Variants in CDS1 observed in about 807,000 individuals in gnomAD.
The protein encoded by CDS1 is CDP-diacylglycerol synthase 1.
In CDS1, 41 loss-of-function variants were observed where a neutral mutation model predicts 62.1. The ratio of observed to expected loss-of-function variants is 0.66; its 90% CI spans 0.51 to 0.86. The LOEUF is 0.86. Among genes scored for constraint, CDS1 ranks in the 40% least tolerant of loss-of-function variants. The probability of loss-of-function intolerance (pLI) is 0.00; values close to 1 mark genes in which losing one functional copy is unlikely to be tolerated. For missense variants in CDS1, 470 were observed against 550.1 expected, an observed-to-expected ratio of 0.85 and a Z score of 1.46; for synonymous variants, 185 against 192.6, an observed-to-expected ratio of 0.96 and a Z score of 0.32.
intron 8 of CDS1, 50 bp downstream of exon 8, chr4:84,635,401 C>T (rs776401991): frequency 2.3e-6 from 2 of 876,102 alleles, no homozygotes; most frequent in East Asian, 2.4e-5. Context: ...TAAAGATTAG[C>T]CACTGGAGAA....
Position 84,650,733 on chromosome 4 carries a change from T to C in CDS1, c.*2047T>C, listed in dbSNP as rs142779122. The C allele has an allele frequency of 4.6e-5, 7 of 152,360 alleles. No individual in the cohort carries two copies. The highest frequency in any genetic ancestry group is 2.1e-4 in the South Asian group (1 of 4,830). The allele number at this position is 152,360 out of a possible 1,614,324, so 9.4% of individuals were successfully genotyped here. A position where few individuals can be genotyped will look rare whatever the true frequency, so the allele number is the denominator to read the frequency against. On this transcript the variant is annotated 3_prime_UTR_variant, in exon 13 of 13. Coordinates refer to ENST00000295887, the MANE Select transcript of CDS1 (RefSeq NM_001263.4). ...TCACAGTAATAGCTTTTCTCAAATA[T>C]ACTTTTAGAATTGAATGTACATTAT...
chr4:84,626,781 G>T (rs1192869164), intron 5 of CDS1, among the ~76,000 whole-genome samples: 1 of 152,190 alleles, frequency 6.6e-6, no homozygotes. Context: ...AGAGCGCAGT[G>T]CAGGCCTGGC....
chr4:84,617,671 C>G lies in CDS1; in HGVS notation c.440+10C>G. On this transcript the variant is annotated intron_variant, in intron 4 of 12. Transcript: ENST00000295887. ...TTAGAACACTAAGTTGGTAAGTAAG[C>G]TTGAAACTATTTCAGATATGAAAAG... 7.8e-7 allele frequency: 1 copy of G among 1,284,502 alleles called. No homozygotes were observed. The highest frequency in any genetic ancestry group is 1.1e-6 in the Non-Finnish European group (1 of 900,626). 79.6% of individuals were successfully genotyped at this position (1,284,502 alleles called of 1,614,324 possible).
rs1239249968 is a variant in CDS1 at position 84,583,330 on chromosome 4, C to T, written c.-72C>T. 2 of 1,167,674 alleles carry T rather than the reference C, an allele frequency of 1.7e-6. No homozygotes were observed. Among genetic ancestry groups the T allele is most frequent in the East Asian group, 2.7e-5 (1 of 37,462 alleles). 72.3% of individuals were successfully genotyped at this position (1,167,674 alleles called of 1,614,324 possible). A position where few individuals can be genotyped will look rare whatever the true frequency, so the allele number is the denominator to read the frequency against. On this transcript the variant is annotated 5_prime_UTR_variant, in exon 1 of 13. Coordinates refer to ENST00000295887, the MANE Select transcript of CDS1 (RefSeq NM_001263.4). ...GCTGCGAGGTGGCGGGGCGCCCCGCCTGCAGAACCCTGCTTGCAGCTCAGG... is the reference window on the plus strand; with the variant it reads ...GCTGCGAGGTGGCGGGGCGCCCCGCTTGCAGAACCCTGCTTGCAGCTCAGG...
chr4:84,624,524 C>T (rs1210970827), intron 5 of CDS1, among the ~76,000 whole-genome samples: 3 of 151,912 alleles, frequency 2.0e-5, no homozygotes, highest in Non-Finnish European at 2.9e-5. Flanking sequence ...ACCATTTTTC[C>T]ACTTCATATA....
chr4:84,600,264 G>A (rs1722896427), intron 1 of CDS1, among the ~76,000 whole-genome samples: 1 of 152,098 alleles, frequency 6.6e-6, no homozygotes, highest in Admixed American at 6.5e-5. Context: ...CAGATTACAA[G>A]TCCTTTGTTA....
chr4:84,592,969 G>A (rs777096547), intron 1 of CDS1, among the ~76,000 whole-genome samples: 1 of 152,032 alleles, frequency 6.6e-6, no homozygotes, highest in African/African-American at 2.4e-5. Context: ...GCTGTCTGTG[G>A]GTCAATGAAT....
chr4:84,608,362 G>T (rs1383173272), intron 2 of CDS1, among the ~76,000 whole-genome samples: 1 of 152,142 alleles, frequency 6.6e-6, no homozygotes, highest in African/African-American at 2.4e-5. Context: ...TTTTAGTAGA[G>T]ACGGGGTTTC....
chr4:84,583,882 C>G (rs541980443), intron 1 of CDS1, among the ~76,000 whole-genome samples: 3 of 152,180 alleles, frequency 2.0e-5, no homozygotes, highest in Non-Finnish European at 4.4e-5. Context: ...TGCCACCTCA[C>G]CTCTCTTTTC....
intron 11 of CDS1, among the ~76,000 whole-genome samples, chr4:84,644,365 G>A (rs982278322): frequency 1.2e-4 from 19 of 152,222 alleles, no homozygotes; most frequent in African/African-American, 4.6e-4. Context: ...GCTTTGACTA[G>A]TAAGGAAGAG....
intron 1 of CDS1, among the ~76,000 whole-genome samples, chr4:84,592,704 G>T (rs1373069848): frequency 6.6e-6 from 1 of 152,172 alleles, no homozygotes; most frequent in Non-Finnish European, 1.5e-5. Context: ...TCTTATCTAT[G>T]GAAATTTATA....
rs1723538260 is a variant in CDS1 at position 84,617,613 on chromosome 4, A to T, written c.392A>T (p.Tyr131Phe). Reference sequence around the variant, plus strand: ...TTCCATGAAATTATCACTATAGGTTATAGAGTCTATCATTCTTATGATCTA... The same window carrying T: ...TTCCATGAAATTATCACTATAGGTTTTAGAGTCTATCATTCTTATGATCTA... ...KCFHEIITIGYRVYHSYDLPW... is the reference protein window; with the variant it reads ...KCFHEIITIGFRVYHSYDLPW... The change falls in exon 4 of 13, where the codon TAT becomes TTT. Residue 131 changes from tyrosine (Y) to phenylalanine (F), a missense_variant. Coordinates refer to ENST00000295887, the MANE Select transcript of CDS1 (RefSeq NM_001263.4). 6.3e-7 allele frequency: 1 copy of T among 1,596,770 alleles called. No individual in the cohort carries two copies. The highest frequency in any genetic ancestry group is 1.7e-5 in the Admixed American group (1 of 59,436).
intron 1 of CDS1, among the ~76,000 whole-genome samples, chr4:84,601,434 C>A (rs114527518): frequency 0.014 from 2,092 of 152,176 alleles, 21 homozygotes; most frequent in Non-Finnish European, 0.019. Flanking sequence ...CAGTGGAAAA[C>A]CACCTGGAGA....
chr4:84,650,018 C>G lies in CDS1; in HGVS notation c.*1332C>G, dbSNP rs1386858909. 2 of 152,038 alleles carry G rather than the reference C, an allele frequency of 1.3e-5. No individual in the cohort carries two copies. Among genetic ancestry groups the G allele is most frequent in the Non-Finnish European group, 2.9e-5 (2 of 68,012 alleles). The allele number at this position is 152,038 out of a possible 1,614,324, so 9.4% of individuals were successfully genotyped here. A position where few individuals can be genotyped will look rare whatever the true frequency, so the allele number is the denominator to read the frequency against. On this transcript the variant is annotated 3_prime_UTR_variant, in exon 13 of 13. Coordinates refer to ENST00000295887, the MANE Select transcript of CDS1 (RefSeq NM_001263.4). ...TCAGCACTAAACCTTCAAAAATTGC[C>G]CAGTGTTCCTAGTTAAATGTTCAGA...
chr4:84,583,670 T>C (rs1304569094), intron 1 of CDS1, 152 bp downstream of exon 1: 1 of 547,770 alleles, frequency 1.8e-6, no homozygotes. Context: ...GCTTCCTCCT[T>C]CTCCAGAGGG....
intron 1 of CDS1, among the ~76,000 whole-genome samples, chr4:84,600,544 G>A (rs963773712): frequency 6.6e-6 from 1 of 152,114 alleles, no homozygotes; most frequent in Non-Finnish European, 1.5e-5. Context: ...TGTTAAAATT[G>A]TGCCAGTACC....
Position 84,618,999 on chromosome 4 carries a change from CACAA to C in CDS1, c.441-391_441-388del, listed in dbSNP as rs534079852. ...ACAAAGTATTAAAATCATACACACA[CACAA>C]ACATACACACATTATACATACACAC... On this transcript the variant is annotated intron_variant, in intron 4 of 12. Transcript: ENST00000295887. 1.8e-4 allele frequency among the ~76,000 whole-genome samples: 28 copies of C among 151,932 alleles called. 1 individual carries two copies. In the East Asian group the frequency reaches 4.8e-3, roughly 26 times the overall value.
rs534174561 is a variant in CDS1, at chr4:84,608,901, G to A, written c.246-528G>A. 8.6e-5 allele frequency among the ~76,000 whole-genome samples: 13 copies of A among 151,858 alleles called. No homozygotes were observed. The East Asian group carries it at 9.8e-4, about 11-fold the overall frequency. ...AACAAAAATTATTTTCTTTCTGGCCGGGCGTGGTGGCTCACACCTGTAATC... is the reference window on the plus strand; with the variant it reads ...AACAAAAATTATTTTCTTTCTGGCCAGGCGTGGTGGCTCACACCTGTAATC... On this transcript the variant is annotated intron_variant, in intron 2 of 12. Coordinates refer to ENST00000295887, the MANE Select transcript of CDS1 (RefSeq NM_001263.4).
chr4:84,621,195 C>T (rs1723676393), intron 5 of CDS1, among the ~76,000 whole-genome samples: 1 of 152,158 alleles, frequency 6.6e-6, no homozygotes, highest in African/African-American at 2.4e-5. Flanking sequence ...AAAAGAAGGA[C>T]ATGAAGTTTG....
Sources: gnomAD v4.1 joint callset for allele counts (sites outside exome capture counted in the v4.1 genomes callset) on GRCh38, gnomAD v4.1.1 for gene constraint, MANE v1.5 for transcripts, NCBI Gene and HGNC (gene_info 2026-07-23, HGNC 2026-07-21) for gene names.